EBF1: variants seen among roughly 807,000 people sequenced by gnomAD.
EBF1 encodes transcription factor COE1.
Under a neutral mutation model 68.4 loss-of-function variants are expected in EBF1, and 10 were observed. The observed-to-expected ratio is 0.15, with a 90% CI of 0.09 to 0.25. EBF1 has a LOEUF of 0.25. Ranked by LOEUF, EBF1 falls within the 10% of genes least tolerant of loss-of-function variation. The pLI is 1.00. For synonymous variants in EBF1, 298 were observed against 299.8 expected (o/e 0.99, Z 0.06); for missense variants, 509 against 794.4 (o/e 0.64, Z 4.32).
chr5:159,047,697 TCTTCTCATGCC>T (rs1449903022), intron 6 of EBF1, among the ~76,000 whole-genome samples: 2 of 152,160 alleles, frequency 1.3e-5, no homozygotes, highest in Non-Finnish European at 2.9e-5. Flanking sequence ...AACCCATACC[TCTTCTCATGCC>T]CTTCAAGGTC....
chr5:159,098,933 A>G (rs1239325230), intron 1 of EBF1, among the ~76,000 whole-genome samples: 3 of 151,926 alleles, frequency 2.0e-5, no homozygotes, highest in Non-Finnish European at 4.4e-5. Context: ...AGGAAGAGAA[A>G]GAAAGAAAGA....
chr5:158,798,057 T>C (rs1229909516), intron 8 of EBF1, among the ~76,000 whole-genome samples: 1 of 152,106 alleles, frequency 6.6e-6, no homozygotes, highest in African/African-American at 2.4e-5. Context: ...CCATATGATG[T>C]ATGATTTGAA....
At chr5:158,955,023 A>G (rs1406215658) in intron 6 of EBF1, among the ~76,000 whole-genome samples, 1 of 152,072 alleles carries the variant, frequency 6.6e-6, no homozygotes, top group African/African-American at 2.4e-5. Context: ...CAGGGGAAAA[A>G]AATTACAGAG....
chr5:158,823,290 C>T lies in EBF1; in HGVS notation c.664G>A (p.Asp222Asn). ...TCAGAGACTGCCAGGACATGGCCAT[C>T]CACATTGACTGTCGTAGACACCACG... is the stretch of plus-strand genomic sequence containing the variant. ...QVVVSTTVNV[D>N]GHVLAVSDNM... Residue 222 changes from aspartate (D) to asparagine (N), a missense_variant, in exon 8 of 16, where the codon GAT becomes AAT. Transcript: ENST00000313708. 6.2e-7 allele frequency: 1 copy of T among 1,613,784 alleles called. No homozygotes were observed. The highest frequency in any genetic ancestry group is 8.5e-7 in the Non-Finnish European group (1 of 1,179,834).
At chr5:158,885,626 C>T (rs957993587) in intron 6 of EBF1, among the ~76,000 whole-genome samples, 2 of 152,178 alleles carry the variant, frequency 1.3e-5, no homozygotes, top group Non-Finnish European at 2.9e-5. Context: ...CACTCCACTA[C>T]CACTTTGTCC....
chr5:158,850,433 T>C (rs74336463), intron 6 of EBF1, among the ~76,000 whole-genome samples: 7,648 of 152,260 alleles, frequency 0.05, 270 homozygotes, highest in East Asian at 0.14. Flanking sequence ...ACAGTTCTCA[T>C]GCTGTCTTCA....
chr5:158,902,643 G>A (rs1386839116), intron 6 of EBF1, among the ~76,000 whole-genome samples: 1 of 150,198 alleles, frequency 6.7e-6, no homozygotes, highest in African/African-American at 2.4e-5. Flanking sequence ...TATTATTAGA[G>A]ACAAGGTCTC....
At chr5:159,006,958 A>C (rs1014521587) in intron 6 of EBF1, among the ~76,000 whole-genome samples, 3 of 152,202 alleles carry the variant, frequency 2.0e-5, no homozygotes, top group Non-Finnish European at 4.4e-5. Context: ...TTCTCAAAAG[A>C]ATGTCACCTT....
chr5:158,908,000 T>C (rs1805032791), intron 6 of EBF1, among the ~76,000 whole-genome samples: 2 of 152,000 alleles, frequency 1.3e-5, no homozygotes, highest in East Asian at 1.9e-4. Flanking sequence ...CCAAAAAAAA[T>C]TAACCAAATG....
At chr5:158,788,309 T>C (rs1270838355) in intron 9 of EBF1, among the ~76,000 whole-genome samples, 1 of 152,128 alleles carries the variant, frequency 6.6e-6, no homozygotes, top group Non-Finnish European at 1.5e-5. Flanking sequence ...GGTGGTATTT[T>C]ACAGGATCTT....
At chr5:159,077,745 C>CAT (rs1779034913) in intron 5 of EBF1, among the ~76,000 whole-genome samples, 3 of 80,618 alleles carry the variant, frequency 3.7e-5, no homozygotes, top group Non-Finnish European at 7.3e-5. Context: ...CAGTGGTTTG[C>CAT]TTTTTTTTTT....
intron 6 of EBF1, among the ~76,000 whole-genome samples, chr5:158,873,067 A>G (rs1274701809): frequency 1.4e-5 from 2 of 146,378 alleles, no homozygotes; most frequent in African/African-American, 5.1e-5. Flanking sequence ...GCTTAAAACA[A>G]CCTGAAAACC....
chr5:158,790,070 C>T (rs1377985939), intron 9 of EBF1, among the ~76,000 whole-genome samples: 2 of 152,154 alleles, frequency 1.3e-5, no homozygotes, highest in African/African-American at 4.8e-5. Flanking sequence ...ACTTCATGCC[C>T]CGTGTCTGGG....
intron 10 of EBF1, among the ~76,000 whole-genome samples, chr5:158,759,510 G>C (rs1770920039): frequency 6.6e-6 from 1 of 152,186 alleles, no homozygotes; most frequent in African/African-American, 2.4e-5. Context: ...ATGGGATAGG[G>C]AGAGTGAATC....
intron 6 of EBF1, among the ~76,000 whole-genome samples, chr5:158,937,034 G>A (rs1030443103): frequency 2.6e-5 from 4 of 151,886 alleles, no homozygotes; most frequent in Non-Finnish European, 4.4e-5. Context: ...TACTTAGTGC[G>A]ACTGACTGGG....
At chr5:158,836,553 G>T (rs10076962) in intron 7 of EBF1, among the ~76,000 whole-genome samples, 6 of 152,170 alleles carry the variant, frequency 3.9e-5, no homozygotes, top group East Asian at 1.9e-4. Context: ...AAAAATAAAA[G>T]GTTGGGTTAG....
rs1054315068 is a variant in EBF1 at position 159,044,637 on chromosome 5, A to G, written c.554+28759T>C. 2.0e-5 allele frequency among the ~76,000 whole-genome samples: 3 copies of G among 152,216 alleles called. No individual in the cohort carries two copies. The South Asian group carries it at 6.2e-4, about 32-fold the overall frequency. ...GAGTATTCATATAACATAAAAATTAAAAGTAAAATTATATTCTTCTAAAGT... is the reference window on the plus strand; with the variant it reads ...GAGTATTCATATAACATAAAAATTAGAAGTAAAATTATATTCTTCTAAAGT... On this transcript the variant is annotated intron_variant, in intron 6 of 15. Coordinates refer to ENST00000313708, the MANE Select transcript of EBF1 (RefSeq NM_024007.5).
intron 9 of EBF1, among the ~76,000 whole-genome samples, chr5:158,793,451 T>C (rs1275054671): frequency 6.6e-6 from 1 of 152,222 alleles, no homozygotes; most frequent in African/African-American, 2.4e-5. Context: ...ATTACTACTT[T>C]CTACTACTAT....
chr5:158,988,734 T>C (rs1759658173), intron 6 of EBF1, among the ~76,000 whole-genome samples: 1 of 152,168 alleles, frequency 6.6e-6, no homozygotes, highest in African/African-American at 2.4e-5. Flanking sequence ...TGACAAGAAG[T>C]GCATAGCCTG....
Sources: allele counts gnomAD v4.1 joint callset (sites outside exome capture counted in the v4.1 genomes callset), GRCh38; gene constraint gnomAD v4.1.1; transcripts MANE v1.5; gene names NCBI Gene and HGNC (gene_info 2026-07-23, HGNC 2026-07-21).